Variants in FMO1 observed in about 807,000 individuals in gnomAD.
FMO1 encodes the protein flavin containing dimethylaniline monoxygenase 1.
In FMO1, 36 loss-of-function variants were observed where a neutral mutation model predicts 45.4. That is an observed-to-expected ratio of 0.79 (90% CI 0.61 to 1.05). The LOEUF is 1.05. Ranked by LOEUF, FMO1 falls within the 50% of genes least tolerant of loss-of-function variation. The pLI, the probability that FMO1 is intolerant of heterozygous loss-of-function variation, is 0.00. For synonymous variants in FMO1, 228 were observed against 227.2 expected, an observed-to-expected ratio of 1.00 and a Z score of -0.03; for missense variants, 615 against 640.3, an observed-to-expected ratio of 0.96 and a Z score of 0.43.
intron 1 of FMO1, among the ~76,000 whole-genome samples, chr1:171,251,180 T>G (rs535395721): frequency 5.3e-5 from 8 of 152,338 alleles, no homozygotes; most frequent in African/African-American, 1.9e-4. Flanking sequence ...ATAATATCAA[T>G]TACCCTCTAA....
chr1:171,284,728 T>TAA lies in FMO1; in HGVS notation c.1257-460_1257-459dup, dbSNP rs36009487. ...GCCTAGGTGACAGAGCAAGACCTTGTAAAAAAAAAAAAAAAGAAAAAAGAA... is the reference window on the plus strand; with the variant it reads ...GCCTAGGTGACAGAGCAAGACCTTGTAAAAAAAAAAAAAAAAAGAAAAAAGAA... On this transcript the variant is annotated intron_variant, in intron 8 of 8. Coordinates refer to ENST00000617670, the MANE Select transcript of FMO1 (RefSeq NM_001282693.2). 5.5e-3 allele frequency among the ~76,000 whole-genome samples: 585 copies of TAA among 106,836 alleles called. 1 individual carries two copies. The highest frequency in any genetic ancestry group is 0.017 in the African/African-American group (538 of 31,952). The allele number at this position is 106,836 out of a possible 152,430, so 70.1% of individuals were successfully genotyped here. A position where few individuals can be genotyped will look rare whatever the true frequency, so the allele number is the denominator to read the frequency against.
chr1:171,269,563 A>T (rs1660764024), intron 3 of FMO1, among the ~76,000 whole-genome samples: 1 of 152,218 alleles, frequency 6.6e-6, no homozygotes. Flanking sequence ...TCCAAGTCAA[A>T]ATTATATAAC....
intron 2 of FMO1, among the ~76,000 whole-genome samples, chr1:171,262,839 C>T (rs1660432556): frequency 6.6e-6 from 1 of 152,120 alleles, no homozygotes; most frequent in African/African-American, 2.4e-5. Flanking sequence ...AGCTCTCCTG[C>T]GATATAGACC....
intron 1 of FMO1, among the ~76,000 whole-genome samples, chr1:171,254,578 C>T (rs1023844793): frequency 6.6e-6 from 1 of 152,106 alleles, no homozygotes; most frequent in Non-Finnish European, 1.5e-5. Flanking sequence ...CTTATATATA[C>T]AGAAGACTAA....
At chr1:171,261,160 C>T (rs1382920713) in intron 2 of FMO1, among the ~76,000 whole-genome samples, 1 of 152,236 alleles carries the variant, frequency 6.6e-6, no homozygotes, top group East Asian at 1.9e-4. Flanking sequence ...CTTGACACTG[C>T]AGCCTTTTTA....
Position 171,258,148 on chromosome 1 carries a change from T to C in FMO1, c.61T>C (p.Cys21Arg), listed in dbSNP as rs778880479. The C allele has an allele frequency of 1.9e-6, 3 of 1,614,184 alleles. No individual in the cohort carries two copies. Among genetic ancestry groups the C allele is most frequent in the Non-Finnish European group, 2.5e-6 (3 of 1,180,024 alleles). Residue 21 changes from cysteine to arginine, a missense_variant, in exon 2 of 9, where the codon TGT (cysteine) becomes CGT (arginine). Transcript: ENST00000617670. The part of the protein sequence containing the change: ...GVSGLASIKC[C>R]LEEGLEPTCF... The stretch of plus-strand genomic sequence containing the variant: ...CAGCGGCCTGGCCTCCATCAAGTGC[T>C]GTCTGGAAGAAGGACTGGAGCCCAC...
intron 5 of FMO1, among the ~76,000 whole-genome samples, chr1:171,280,197 GT>G (rs1237043640): frequency 6.6e-6 from 1 of 152,186 alleles, no homozygotes; most frequent in African/African-American, 2.4e-5. Context: ...TAAATCAGCT[GT>G]TTTGTATCAG....
At chr1:171,265,858 A>T (rs1251234054) in intron 2 of FMO1, among the ~76,000 whole-genome samples, 1 of 152,236 alleles carries the variant, frequency 6.6e-6, no homozygotes, top group African/African-American at 2.4e-5. Flanking sequence ...ATTGCTTAAC[A>T]GCAGTCAAAG....
At chr1:171,256,362 T>C (rs1660158604) in intron 1 of FMO1, among the ~76,000 whole-genome samples, 1 of 151,292 alleles carries the variant, frequency 6.6e-6, no homozygotes, top group Non-Finnish European at 1.5e-5. Context: ...CATTTTCCTA[T>C]ATCACCAAGT....
chr1:171,255,817 G>A (rs1423311203), intron 1 of FMO1, among the ~76,000 whole-genome samples: 4 of 152,118 alleles, frequency 2.6e-5, no homozygotes, highest in African/African-American at 7.2e-5. Flanking sequence ...GGGCACTAAT[G>A]TCATGCTATG....
At chr1:171,248,970 CTTT>C (rs10717049) in intron 1 of FMO1, among the ~76,000 whole-genome samples, 1 of 146,518 alleles carries the variant, frequency 6.8e-6, no homozygotes, top group Admixed American at 6.7e-5. Flanking sequence ...GGAAAAGTCT[CTTT>C]TTTTTTTTAG....
In FMO1 at chr1:171,280,951, A is replaced by T; in HGVS notation, c.793A>T (p.Asn265Tyr). Residue 265 changes from asparagine (N) to tyrosine (Y), a missense_variant, in exon 6 of 9, where the codon AAT becomes TAT. Transcript: ENST00000617670. The stretch of plus-strand genomic sequence containing the variant: ...GGAGCGAAAGATAAACAACTGGCTC[A>T]ATCATGCAAATTACGGCTTAATACC... ...LMERKINNWL[N>Y]HANYGLIPED... The T allele has an allele frequency of 6.2e-7, 1 of 1,613,884 alleles. No individual in the cohort carries two copies. The highest frequency in any genetic ancestry group is 8.5e-7 in the Non-Finnish European group (1 of 1,179,806).
At position 171,283,220 on chromosome 1, in the gene FMO1, A is replaced by T; in HGVS notation, c.1256+4A>T. 8.6e-7 allele frequency: 1 copy of T among 1,163,752 alleles called. No individual in the cohort carries two copies. The allele number at this position is 1,163,752 out of a possible 1,614,324, so 72.1% of individuals were successfully genotyped here. On this transcript the variant is annotated splice_donor_region_variant and intron_variant, in intron 8 of 8. Transcript: ENST00000617670. ...GGAAAGAAAACAAGCCCAGTTGGTA[A>T]GTTAACTACTTAATGCACCCTTTTT...
intron 1 of FMO1, among the ~76,000 whole-genome samples, chr1:171,253,013 T>A (rs77417189): frequency 0.017 from 2,590 of 152,344 alleles, 42 homozygotes; most frequent in Middle Eastern, 0.044. Flanking sequence ...GCCTCCACAT[T>A]CATGTGCTCT....
At chr1:171,269,917 T>C (rs1472879429) in intron 3 of FMO1, among the ~76,000 whole-genome samples, 1 of 152,196 alleles carries the variant, frequency 6.6e-6, no homozygotes, top group African/African-American at 2.4e-5. Flanking sequence ...TAATGGAAAG[T>C]CTCATTTCCT....
At chr1:171,254,153 A>G (rs1161239680) in intron 1 of FMO1, 2 of 152,004 alleles carry the variant, frequency 1.3e-5, no homozygotes, top group African/African-American at 4.8e-5. Context: ...CAGTGGCACG[A>G]TCTTGGCTCA....
In FMO1 at chr1:171,275,900, G is replaced by A. The variant is rs544126710; in HGVS notation, c.484+392G>A. Among the ~76,000 whole-genome samples, 64 of 151,962 alleles carry A rather than the reference G, an allele frequency of 4.2e-4. 2 individuals carry two copies. The East Asian group carries it at 0.01, about 24-fold the overall frequency. On this transcript the variant is annotated intron_variant, in intron 4 of 8. Coordinates refer to ENST00000617670, the MANE Select transcript of FMO1 (RefSeq NM_001282693.2). ...TTAGAGGCCACAAAAGTCAATCTGT[G>A]AAAAAAGAAAAAAGTAATTTTTTCT... is the stretch of plus-strand genomic sequence containing the variant.
At chr1:171,266,468 T>G (rs1248258872) in intron 2 of FMO1, among the ~76,000 whole-genome samples, 1 of 152,252 alleles carries the variant, frequency 6.6e-6, no homozygotes, top group African/African-American at 2.4e-5. Flanking sequence ...GCTGAGTCTG[T>G]GTGACAGGTG....
At chr1:171,264,513 T>C (rs1660523555) in intron 2 of FMO1, among the ~76,000 whole-genome samples, 2 of 152,074 alleles carry the variant, frequency 1.3e-5, no homozygotes, top group Non-Finnish European at 2.9e-5. Context: ...GTGGCATCTA[T>C]ACATCCTATT....
Sources: gnomAD v4.1 joint callset for allele counts (sites outside exome capture counted in the v4.1 genomes callset) on GRCh38, gnomAD v4.1.1 for gene constraint, MANE v1.5 for transcripts, NCBI Gene and HGNC (gene_info 2026-07-23, HGNC 2026-07-21) for gene names.